DPH6: variants seen among roughly 807,000 people sequenced by gnomAD.
The protein encoded by DPH6 is diphthamine biosynthesis 6.
Under a neutral mutation model 38.2 loss-of-function variants are expected in DPH6, and 33 were observed. The ratio of observed to expected loss-of-function variants is 0.86; its 90% CI spans 0.65 to 1.15. The LOEUF is 1.15. Among genes scored for constraint, DPH6 ranks in the 50% most tolerant of loss-of-function variants. DPH6 has a pLI of 0.00. For missense variants in DPH6, 325 were observed against 320.0 expected (o/e 1.02, Z -0.12); for synonymous variants, 108 against 103.0 (o/e 1.05, Z -0.30).
the DPH6 span, among the ~76,000 whole-genome samples, chr15:35,210,665 T>C: frequency 6.6e-6 from 1 of 152,294 alleles, no homozygotes; most frequent in Admixed American, 6.5e-5. Flanking sequence ...TTAATACTTT[T>C]ATAATATCAT....
chr15:35,469,979 C>T (rs2054176982), intron 3 of DPH6, among the ~76,000 whole-genome samples: 1 of 152,136 alleles, frequency 6.6e-6, no homozygotes, highest in Admixed American at 6.6e-5. Context: ...GGGCAGATCA[C>T]CTGAGGTCAG....
intron 3 of DPH6, among the ~76,000 whole-genome samples, chr15:35,491,228 C>G (rs1286986238): frequency 6.6e-6 from 1 of 151,660 alleles, no homozygotes; most frequent in African/African-American, 2.4e-5. Context: ...AGGATAAAGA[C>G]AAGTAAAAAA....
At chr15:35,155,440 G>T in the DPH6 span, among the ~76,000 whole-genome samples, 1 of 152,118 alleles carries the variant, frequency 6.6e-6, no homozygotes, top group Non-Finnish European at 1.5e-5. Context: ...GAGATTAAGG[G>T]TTTCATCCAA....
At chr15:35,384,279 T>G (rs8037232) in intron 6 of DPH6, among the ~76,000 whole-genome samples, 1 of 152,232 alleles carries the variant, frequency 6.6e-6, no homozygotes, top group African/African-American at 2.4e-5. Flanking sequence ...AATTTCTCAA[T>G]GAATTTTCAT....
In DPH6 at chr15:35,448,657, A is replaced by C. The variant is rs564449291; in HGVS notation, c.505+2028T>G. ...CTATATGTCATCAATAATAGAATGGACAATTAAATTGTGGTGTTAATTAAA... is the reference window on the plus strand; with the variant it reads ...CTATATGTCATCAATAATAGAATGGCCAATTAAATTGTGGTGTTAATTAAA... On this transcript the variant is annotated intron_variant, in intron 5 of 8. Coordinates refer to ENST00000256538, the MANE Select transcript of DPH6 (RefSeq NM_080650.4). 8.5e-5 allele frequency among the ~76,000 whole-genome samples: 13 copies of C among 152,288 alleles called. No homozygotes were observed. In the South Asian group the frequency reaches 2.7e-3, roughly 32 times the overall value.
At chr15:35,350,375 T>C (rs1595493787) in intron 3 of DPH6, among the ~76,000 whole-genome samples, 1 of 151,830 alleles carries the variant, frequency 6.6e-6, no homozygotes, top group East Asian at 1.9e-4. Flanking sequence ...ATTGATCTTT[T>C]CAAAAAACCA....
chr15:35,244,907 T>A (rs374892143), intron 3 of DPH6, among the ~76,000 whole-genome samples: 30 of 152,314 alleles, frequency 2.0e-4, no homozygotes, highest in African/African-American at 7.2e-4. Context: ...TGTGGGGATT[T>A]AACTAGATGG....
chr15:35,358,976 C>T (rs1031997283), intron 3 of DPH6, among the ~76,000 whole-genome samples: 1 of 151,974 alleles, frequency 6.6e-6, no homozygotes, highest in African/African-American at 2.4e-5. Flanking sequence ...CTTCCGCTAC[C>T]AGGTTGGGTA....
intron 3 of DPH6, among the ~76,000 whole-genome samples, chr15:35,304,139 T>C (rs2052072368): frequency 6.6e-6 from 1 of 152,126 alleles, no homozygotes; most frequent in Admixed American, 6.5e-5. Context: ...TCTGATTATC[T>C]AACAAACTGA....
intron 3 of DPH6, among the ~76,000 whole-genome samples, chr15:35,478,633 T>A (rs2054291475): frequency 6.6e-6 from 1 of 151,954 alleles, no homozygotes; most frequent in African/African-American, 2.4e-5. Flanking sequence ...CTCAATGCAA[T>A]TTCATCCGTT....
intron 3 of DPH6, among the ~76,000 whole-genome samples, chr15:35,473,913 AGTGTGTGTGTGTGTGTGT>A (rs58549209): frequency 0.015 from 1,963 of 126,872 alleles, 24 homozygotes; most frequent in Middle Eastern, 0.029. Context: ...CACTGTGCAC[AGTGTGTGTGTGTGTGTGT>A]GTGTGTGTGT....
the DPH6 span, among the ~76,000 whole-genome samples, chr15:35,198,506 A>T: frequency 6.6e-6 from 1 of 152,230 alleles, no homozygotes; most frequent in East Asian, 1.9e-4. Context: ...AGAAAGTTGT[A>T]AGTAAACCAA....
At chr15:35,540,720 C>A (rs940537494) in intron 2 of DPH6, among the ~76,000 whole-genome samples, 1 of 151,990 alleles carries the variant, frequency 6.6e-6, no homozygotes, top group Admixed American at 6.6e-5. Flanking sequence ...TAAAAATATA[C>A]TTTGCTTGTC....
At chr15:35,438,654 T>C (rs2141052196) in intron 5 of DPH6, among the ~76,000 whole-genome samples, 1 of 152,262 alleles carries the variant, frequency 6.6e-6, no homozygotes, top group East Asian at 1.9e-4. Context: ...ATATATATGT[T>C]GTGTGTGATG....
downstream of DPH6, among the ~76,000 whole-genome samples, chr15:35,215,493 C>A (rs1012271576): frequency 6.6e-6 from 1 of 152,074 alleles, no homozygotes; most frequent in Non-Finnish European, 1.5e-5. Context: ...GGCTCTTACT[C>A]CCGTCTCAGC....
the DPH6 span, among the ~76,000 whole-genome samples, chr15:35,209,041 T>A: frequency 3.3e-5 from 5 of 152,180 alleles, no homozygotes; most frequent in African/African-American, 4.8e-5. Context: ...AATTTCTTAA[T>A]AGTTTTCATG....
chr15:35,454,394 TTTTA>T (rs759290537), intron 4 of DPH6, among the ~76,000 whole-genome samples: 1 of 152,186 alleles, frequency 6.6e-6, no homozygotes, highest in Non-Finnish European at 1.5e-5. Flanking sequence ...ACTGTATTCC[TTTTA>T]TTATCTCTTG....
chr15:35,259,011 G>T (rs2051725910), intron 3 of DPH6, among the ~76,000 whole-genome samples: 1 of 151,954 alleles, frequency 6.6e-6, no homozygotes, highest in East Asian at 1.9e-4. Flanking sequence ...GCTGTGCGTG[G>T]TGGTGTGCAC....
chr15:35,440,623 CT>C (rs2053775659), intron 5 of DPH6, among the ~76,000 whole-genome samples: 1 of 152,122 alleles, frequency 6.6e-6, no homozygotes, highest in Admixed American at 6.5e-5. Flanking sequence ...GTTATATGTC[CT>C]TCTTTAGAAG....
Sources: gnomAD v4.1 joint callset for allele counts (sites outside exome capture counted in the v4.1 genomes callset) on GRCh38, gnomAD v4.1.1 for gene constraint, MANE v1.5 for transcripts, NCBI Gene and HGNC (gene_info 2026-07-23, HGNC 2026-07-21) for gene names.